EIF4G3: variants seen among roughly 807,000 people sequenced by gnomAD.
EIF4G3 encodes eIF-4-gamma 3.
A neutral mutation model predicts 186.4 loss-of-function variants in EIF4G3; 34 were observed. That is an observed-to-expected ratio of 0.18 (90% confidence interval 0.14 to 0.24). The LOEUF is 0.24. Among genes scored for constraint, EIF4G3 ranks in the 10% least tolerant of loss-of-function variants. The pLI is 1.00. For synonymous variants in EIF4G3, 673 were observed against 679.5 expected, an observed-to-expected ratio of 0.99 and a Z score of 0.15; for missense variants, 1,536 against 1,948.5, an observed-to-expected ratio of 0.79 and a Z score of 3.99.
chr1:20,815,364 A>C (rs1256479892), intron 34 of EIF4G3, among the ~76,000 whole-genome samples: 1 of 118,700 alleles, frequency 8.4e-6, no homozygotes. Context: ...CTGCCATCCC[A>C]TCTAGGAAGT....
chr1:21,054,340 C>CGGAAGGCA (rs1273608111), intron 3 of EIF4G3, among the ~76,000 whole-genome samples: 2 of 134,112 alleles, frequency 1.5e-5, no homozygotes, highest in African/African-American at 2.6e-5. Context: ...TGCGGAAGGC[C>CGGAAGGCA]GCAGGGTCCT....
At chr1:20,942,488 T>G (rs2095757812) in intron 13 of EIF4G3, among the ~76,000 whole-genome samples, 158 bp from the exon 14 acceptor site, 1 of 152,226 alleles carries the variant, frequency 6.6e-6, no homozygotes, top group Non-Finnish European at 1.5e-5. Context: ...TTGTCTCTTT[T>G]CTTTTTTTAC....
intron 4 of EIF4G3, among the ~76,000 whole-genome samples, chr1:21,043,420 A>G (rs1342734625): frequency 6.6e-6 from 1 of 152,264 alleles, no homozygotes; most frequent in Non-Finnish European, 1.5e-5. Context: ...GAGAAGTCTG[A>G]AAAATAATTG....
In EIF4G3 at chr1:20,857,581, C is replaced by T. The variant is rs114606370; in HGVS notation, c.3245-84G>A. 7.7e-4 allele frequency: 864 copies of T among 1,118,286 alleles called. 3 individuals carry two copies. In the African/African-American group the frequency reaches 0.012, roughly 15 times the overall value. The allele number at this position is 1,118,286 out of a possible 1,614,324, so 69.3% of individuals were successfully genotyped here. A position where few individuals can be genotyped will look rare whatever the true frequency, so the allele number is the denominator to read the frequency against. On this transcript the variant is annotated intron_variant, in intron 24 of 36. Coordinates refer to ENST00000602326, the MANE Select transcript of EIF4G3 (RefSeq NM_001391906.1). ...GAGTGAGCAATATTTTCATCAAAACCAAGGAGAAAGACAACAGAAGATGTT... is the reference window on the plus strand; with the variant it reads ...GAGTGAGCAATATTTTCATCAAAACTAAGGAGAAAGACAACAGAAGATGTT...
intron 14 of EIF4G3, among the ~76,000 whole-genome samples, chr1:20,925,342 T>C (rs1208421334): frequency 1.3e-5 from 2 of 152,312 alleles, no homozygotes; most frequent in South Asian, 2.1e-4. Flanking sequence ...TTTAAATATT[T>C]CAAATATCAC....
At chr1:21,147,579 C>T (rs2097469113) in intron 2 of EIF4G3, among the ~76,000 whole-genome samples, 1 of 152,016 alleles carries the variant, frequency 6.6e-6, no homozygotes, top group African/African-American at 2.4e-5. Context: ...GATCTGCCCA[C>T]CTCAGCCTCC....
At chr1:20,920,478 A>G (rs916322098) in intron 14 of EIF4G3, among the ~76,000 whole-genome samples, 4 of 152,198 alleles carry the variant, frequency 2.6e-5, no homozygotes, top group Non-Finnish European at 5.9e-5. Context: ...GGTTGGATAG[A>G]AGAGAGAATA....
At chr1:20,809,138 T>C (rs879727772) in intron 36 of EIF4G3, among the ~76,000 whole-genome samples, 18 of 152,146 alleles carry the variant, frequency 1.2e-4, no homozygotes, top group South Asian at 6.2e-4. Flanking sequence ...CACGCCCAGC[T>C]AATTTTGTAG....
chr1:20,977,936 C>A (rs2077178473), intron 10 of EIF4G3, among the ~76,000 whole-genome samples: 1 of 152,058 alleles, frequency 6.6e-6, no homozygotes, highest in African/African-American at 2.4e-5. Context: ...AAGTGATTGG[C>A]ATAATCACTA....
intron 11 of EIF4G3, 137 bp from the exon 12 acceptor site, chr1:20,969,733 T>G (rs1427123042): frequency 2.7e-6 from 2 of 737,066 alleles, no homozygotes; most frequent in Non-Finnish European, 4.3e-6. Flanking sequence ...TTGACTTTAT[T>G]TCAATCACAG....
chr1:20,837,482 G>T (rs992238499), intron 30 of EIF4G3, among the ~76,000 whole-genome samples: 2 of 152,176 alleles, frequency 1.3e-5, no homozygotes, highest in Non-Finnish European at 2.9e-5. Flanking sequence ...GGGATTACAG[G>T]CGTGAGCCAC....
chr1:21,024,282 C>T (rs1043196542), intron 4 of EIF4G3, among the ~76,000 whole-genome samples: 8 of 151,586 alleles, frequency 5.3e-5, no homozygotes, highest in East Asian at 3.9e-4. Context: ...TCTGCCCGGC[C>T]GCCCCTACTG....
At chr1:21,018,665 G>A (rs1444813213) in intron 4 of EIF4G3, among the ~76,000 whole-genome samples, 2 of 152,142 alleles carry the variant, frequency 1.3e-5, no homozygotes, top group Admixed American at 6.5e-5. Context: ...CTAATGGGAA[G>A]TGTTTGGATT....
At chr1:20,827,736 G>T (rs747919877) in intron 31 of EIF4G3, 38 bp from the exon 32 acceptor site, 6 of 1,399,388 alleles carry the variant, frequency 4.3e-6, no homozygotes, top group South Asian at 1.2e-5. Flanking sequence ...TATCTCTAAA[G>T]AAATCCTTTC....
intron 20 of EIF4G3, among the ~76,000 whole-genome samples, chr1:20,868,438 C>T (rs980609524): frequency 7.2e-5 from 11 of 152,006 alleles, no homozygotes; most frequent in African/African-American, 2.7e-4. Context: ...CAGGTGTTTC[C>T]TCTTCCAAGG....
At chr1:20,928,612 A>T (rs1337980721) in intron 14 of EIF4G3, among the ~76,000 whole-genome samples, 2 of 152,160 alleles carry the variant, frequency 1.3e-5, no homozygotes, top group Admixed American at 6.5e-5. Context: ...CATGTTGGCC[A>T]GGATGGTCTT....
At chr1:20,963,869 C>A (rs2154564894) in intron 12 of EIF4G3, among the ~76,000 whole-genome samples, 1 of 151,044 alleles carries the variant, frequency 6.6e-6, no homozygotes, top group East Asian at 2.0e-4. Context: ...CTGCAGTGAG[C>A]CGAGATTGTG....
At chr1:20,898,212 T>C (rs1364992421) in intron 16 of EIF4G3, among the ~76,000 whole-genome samples, 1 of 152,050 alleles carries the variant, frequency 6.6e-6, no homozygotes, top group East Asian at 1.9e-4. Context: ...AAGATCAGTA[T>C]ATCAAAGTGG....
At chr1:20,995,707 C>T (rs959777585) in intron 7 of EIF4G3, among the ~76,000 whole-genome samples, 14 of 152,164 alleles carry the variant, frequency 9.2e-5, no homozygotes, top group Admixed American at 4.6e-4. Context: ...AAAATTCACT[C>T]ATCATTCCAT....
Sources: gnomAD v4.1 joint callset for allele counts (sites outside exome capture counted in the v4.1 genomes callset) on GRCh38, gnomAD v4.1.1 for gene constraint, MANE v1.5 for transcripts, NCBI Gene and HGNC (gene_info 2026-07-23, HGNC 2026-07-21) for gene names.